The following LIMD1 variants were observed in gnomAD, a reference collection of about 807,000 sequenced individuals.
LIMD1 encodes the protein LIM domain-containing protein 1.
A neutral mutation model predicts 58.4 loss-of-function variants in LIMD1; 23 were observed. The ratio of observed to expected loss-of-function variants is 0.39; its 90% CI spans 0.28 to 0.56. The LOEUF is 0.56. Ranked by LOEUF, LIMD1 falls within the 20% of genes least tolerant of loss-of-function variation. The pLI is 0.57. For synonymous variants in LIMD1, 334 were observed against 345.5 expected (o/e 0.97, Z 0.37); for missense variants, 838 against 855.5 (o/e 0.98, Z 0.25).
intron 1 of LIMD1, among the ~76,000 whole-genome samples, chr3:45,599,629 G>T (rs780466571): frequency 6.6e-6 from 1 of 152,172 alleles, no homozygotes; most frequent in Admixed American, 6.5e-5. Flanking sequence ...CTGGCTATAC[G>T]TGGCTGCTGT....
At chr3:45,650,250 C>T (rs1397655955) in intron 2 of LIMD1, among the ~76,000 whole-genome samples, 1 of 152,064 alleles carries the variant, frequency 6.6e-6, no homozygotes, top group Non-Finnish European at 1.5e-5. Flanking sequence ...CTAATGTTTT[C>T]TCTTGCATGG....
At chr3:45,648,955 T>G (rs553470517) in intron 2 of LIMD1, among the ~76,000 whole-genome samples, 8 of 152,342 alleles carry the variant, frequency 5.3e-5, no homozygotes, top group Non-Finnish European at 1.0e-4. Context: ...GTTCTTTGTA[T>G]AGGATTTGGG....
intron 1 of LIMD1, among the ~76,000 whole-genome samples, chr3:45,602,736 T>C (rs1701428293): frequency 6.6e-6 from 1 of 152,166 alleles, no homozygotes; most frequent in African/African-American, 2.4e-5. Flanking sequence ...CATGTCCTAT[T>C]TGCATGACTA....
rs188574747 is a variant in LIMD1, at chr3:45,648,077, A to C, written c.1510+11826A>C. 8.6e-4 allele frequency among the ~76,000 whole-genome samples: 104 copies of C among 120,888 alleles called. 1 individual carries two copies. Among genetic ancestry groups the C allele is most frequent in the African/African-American group, 3.3e-3 (102 of 30,704 alleles). 79.3% of individuals were successfully genotyped at this position (120,888 alleles called of 152,430 possible). A position where few individuals can be genotyped will look rare whatever the true frequency, so the allele number is the denominator to read the frequency against. ...ATTGAAACTGTTTGCAGGAATCTCT[A>C]TCTCCCCCTAGGTGATCAGTTTTGG... On this transcript the variant is annotated intron_variant, in intron 2 of 7. Transcript: ENST00000273317.
chr3:45,594,806 C>CACACACACACACACGGCACCTGG lies in LIMD1; in HGVS notation c.-60_-59insGGCACCTGGACACACACACACAC, dbSNP rs1559510637. The CACACACACACACACGGCACCTGG allele has an allele frequency of 4.5e-5, 22 of 486,354 alleles. No homozygotes were observed. The highest frequency in any genetic ancestry group is 4.2e-4 in the African/African-American group (21 of 50,158). 30.1% of individuals were successfully genotyped at this position (486,354 alleles called of 1,614,324 possible). A position where few individuals can be genotyped will look rare whatever the true frequency, so the allele number is the denominator to read the frequency against. Reference sequence around the variant, plus strand: ...ACACACACACACACACACACACACACACACACACACACACACACACACACA... The same window carrying CACACACACACACACGGCACCTGG: ...ACACACACACACACACACACACACACACACACACACACACGGCACCTGGACACACACACACACACACACACACA... On this transcript the variant is annotated 5_prime_UTR_variant, in exon 1 of 8. Coordinates refer to ENST00000273317, the MANE Select transcript of LIMD1 (RefSeq NM_014240.3).
chr3:45,595,759 ACCC>A lies in LIMD1; in HGVS notation c.882_884del (p.Pro295del), dbSNP rs767781960. Reference sequence around the variant, plus strand: ...AGCTGTGGGGCCTGTTCAGCCCAGGACCCCTTCTGTGTCAGCACCCTTGGCCCT... The same window carrying A: ...AGCTGTGGGGCCTGTTCAGCCCAGGACTTCTGTGTCAGCACCCTTGGCCCT... On this transcript the variant is annotated inframe_deletion, in exon 1 of 8. Transcript: ENST00000273317. 10 of 1,613,682 alleles carry A rather than the reference ACCC, an allele frequency of 6.2e-6. No individual in the cohort carries two copies. The highest frequency in any genetic ancestry group is 6.8e-6 in the Non-Finnish European group (8 of 1,179,962).
intron 1 of LIMD1, among the ~76,000 whole-genome samples, chr3:45,615,128 C>T (rs1186133345): frequency 6.6e-6 from 1 of 152,058 alleles, no homozygotes; most frequent in Non-Finnish European, 1.5e-5. Context: ...CGGGAGCCCT[C>T]ATAAACAAAT....
At chr3:45,676,528 C>G (rs1159632734) in intron 7 of LIMD1, among the ~76,000 whole-genome samples, 1 of 152,172 alleles carries the variant, frequency 6.6e-6, no homozygotes, top group African/African-American at 2.4e-5. Flanking sequence ...TGTTCAACTC[C>G]CACTTATGAG....
At chr3:45,619,237 G>A (rs575591315) in intron 1 of LIMD1, among the ~76,000 whole-genome samples, 40 of 152,006 alleles carry the variant, frequency 2.6e-4, no homozygotes, top group South Asian at 1.5e-3. Context: ...TTGAACTCCT[G>A]GGCTCAAGCA....
At chr3:45,604,314 A>T (rs994441110) in intron 1 of LIMD1, among the ~76,000 whole-genome samples, 3 of 152,152 alleles carry the variant, frequency 2.0e-5, no homozygotes, top group Admixed American at 1.3e-4. Flanking sequence ...CTCTGAAGGG[A>T]TGTGACTACA....
At chr3:45,604,718 A>G (rs575542734) in intron 1 of LIMD1, among the ~76,000 whole-genome samples, 9 of 152,136 alleles carry the variant, frequency 5.9e-5, no homozygotes, top group South Asian at 2.1e-4. Context: ...AATGCCACCA[A>G]TCCCTTCCAA....
At chr3:45,676,808 C>A in intron 7 of LIMD1, 114 bp from the exon 8 acceptor site, 2 of 1,014,554 alleles carry the variant, frequency 2.0e-6, no homozygotes, top group Non-Finnish European at 3.0e-6. Context: ...CTGGCATTTC[C>A]TGCCTATACA....
rs1359556137 is a variant in LIMD1 at position 45,594,809 on chromosome 3, A to ACACACAC, written c.-70_-64dup. Reference sequence around the variant, plus strand: ...CACACACACACACACACACACACACACACACACACACACACACACACACAC... The same window carrying ACACACAC: ...CACACACACACACACACACACACACACACACACCACACACACACACACACACACACAC... On this transcript the variant is annotated 5_prime_UTR_variant, in exon 1 of 8. Transcript: ENST00000273317. 2.8e-6 allele frequency: 2 copies of ACACACAC among 723,096 alleles called. No homozygotes were observed. The highest frequency in any genetic ancestry group is 3.1e-5 in the East Asian group (1 of 31,760). The allele number at this position is 723,096 out of a possible 1,614,324, so 44.8% of individuals were successfully genotyped here. A position where few individuals can be genotyped will look rare whatever the true frequency, so the allele number is the denominator to read the frequency against.
chr3:45,634,123 G>A (rs1256186201), intron 1 of LIMD1, among the ~76,000 whole-genome samples: 2 of 151,928 alleles, frequency 1.3e-5, no homozygotes, highest in Non-Finnish European at 2.9e-5. Flanking sequence ...TTTTTGAGAC[G>A]ACCTTTTAAA....
At chr3:45,608,928 T>C (rs1225140327) in intron 1 of LIMD1, among the ~76,000 whole-genome samples, 2 of 151,624 alleles carry the variant, frequency 1.3e-5, no homozygotes, top group Non-Finnish European at 2.9e-5. Context: ...CCGAAAGACC[T>C]GGTCTGTAGA....
intron 2 of LIMD1, among the ~76,000 whole-genome samples, chr3:45,638,973 A>G (rs1000415484): frequency 2.0e-5 from 3 of 151,982 alleles, no homozygotes; most frequent in African/African-American, 7.3e-5. Context: ...AACTCAAGCA[A>G]CCCTTCTGCC....
chr3:45,660,405 C>G, intron 2 of LIMD1, among the ~76,000 whole-genome samples: 1 of 80,010 alleles, frequency 1.2e-5, no homozygotes, highest in African/African-American at 4.7e-5. Context: ...GGTGGGCTGT[C>G]TTTTTTTTTT....
intron 2 of LIMD1, among the ~76,000 whole-genome samples, chr3:45,642,796 G>A (rs542210207): frequency 2.0e-5 from 3 of 152,296 alleles, no homozygotes; most frequent in East Asian, 1.9e-4. Flanking sequence ...CTTGGTGCTC[G>A]TTCCAGCAGT....
Position 45,679,419 on chromosome 3 carries a change from C to T in LIMD1, c.*2360C>T, listed in dbSNP as rs755194745. On this transcript the variant is annotated 3_prime_UTR_variant, in exon 8 of 8. Transcript: ENST00000273317. ...CACAAAAGCCATGAAGAGATGTTCA[C>T]CTACCCGGTATTTTAAATGTTCTGT... 2 of 152,160 alleles carry T rather than the reference C, an allele frequency of 1.3e-5. No homozygotes were observed. Among genetic ancestry groups the T allele is most frequent in the Non-Finnish European group, 2.9e-5 (2 of 68,024 alleles). 9.4% of individuals were successfully genotyped at this position (152,160 alleles called of 1,614,324 possible).
Sources: allele counts gnomAD v4.1 joint callset (sites outside exome capture counted in the v4.1 genomes callset), GRCh38; gene constraint gnomAD v4.1.1; transcripts MANE v1.5; gene names NCBI Gene and HGNC (gene_info 2026-07-23, HGNC 2026-07-21).